Variants in DHX37 observed in about 807,000 individuals in gnomAD.
DHX37 encodes the protein DEAH-box helicase 37.
In DHX37, 52 loss-of-function variants were observed where a neutral mutation model predicts 134.3. The ratio of observed to expected loss-of-function variants is 0.39; its 90% confidence interval spans 0.31 to 0.49. DHX37 has a LOEUF of 0.49. Ranked by LOEUF, DHX37 falls within the 20% of genes least tolerant of loss-of-function variation. The pLI is 0.93. For synonymous variants in DHX37, 634 were observed against 670.7 expected (o/e 0.95, Z 0.85); for missense variants, 1,344 against 1,580.8 (o/e 0.85, Z 2.54).
At chr12:124,961,175 C>T (rs999195739) in intron 15 of DHX37, among the ~76,000 whole-genome samples, 13 of 78,514 alleles carry the variant, frequency 1.7e-4, no homozygotes, top group African/African-American at 4.9e-4. Context: ...CATACACGCG[C>T]GCATGCGCGC....
intron 9 of DHX37, 37 bp from the exon 10 acceptor site, chr12:124,968,685 G>A (rs770109673): frequency 5.3e-5 from 86 of 1,612,870 alleles, no homozygotes; most frequent in Non-Finnish European, 7.0e-5. Context: ...GAGTGGGGGG[G>A]ACACGAGCTT....
Position 124,947,693 on chromosome 12 carries a change from G to C in DHX37, c.*109C>G. On this transcript the variant is annotated 3_prime_UTR_variant, in exon 27 of 27. Transcript: ENST00000308736. The stretch of plus-strand genomic sequence containing the variant: ...GTTCCCAGGGCTTGACCCACTTCCT[G>C]AGAGCAGGCCACGAAGCCCATGCCA... 7.2e-7 allele frequency: 1 copy of C among 1,383,618 alleles called. No homozygotes were observed. The allele number at this position is 1,383,618 out of a possible 1,614,324, so 85.7% of individuals were successfully genotyped here.
Position 124,972,715 on chromosome 12 carries a change from G to A in DHX37, c.981-116C>T, listed in dbSNP as rs1204762862. On this transcript the variant is annotated intron_variant, in intron 6 of 26. Transcript: ENST00000308736. Reference sequence around the variant, plus strand: ...GGCGGCTTGAGGGCAGGGCCCGCTGGCAACCTGAAACAAGTCCCAGACATC... The same window carrying A: ...GGCGGCTTGAGGGCAGGGCCCGCTGACAACCTGAAACAAGTCCCAGACATC... 4 of 920,660 alleles carry A rather than the reference G, an allele frequency of 4.3e-6. No individual in the cohort carries two copies. The Admixed American group carries it at 5.6e-5, about 13-fold the overall frequency. The allele number at this position is 920,660 out of a possible 1,614,324, so 57.0% of individuals were successfully genotyped here.
At position 124,950,703 on chromosome 12, in the gene DHX37, C is replaced by G; in HGVS notation, c.2970G>C (p.Lys990Asn). ...AGGCCTCGGCACCTTTCATGTACAT[C>G]TTAGTGGTCTCCACGATTTCCTGGT... is the stretch of plus-strand genomic sequence containing the variant. ...VVYQEIVETT[K>N]MYMKGVSSVE... The change falls in exon 22 of 27, where the codon AAG (lysine) becomes AAC (asparagine). Residue 990 changes from lysine to asparagine, a missense_variant. Physicochemically the swap from Lys to Asn is moderately conservative, Grantham distance 94 (BLOSUM62 0). Coordinates refer to ENST00000308736, the MANE Select transcript of DHX37 (RefSeq NM_032656.4). 1 of 1,612,480 alleles carries G rather than the reference C, an allele frequency of 6.2e-7. No homozygotes were observed. Among genetic ancestry groups the G allele is most frequent in the Non-Finnish European group, 8.5e-7 (1 of 1,179,488 alleles).
In DHX37 at chr12:124,950,258, C is replaced by T; in HGVS notation, c.3122-15G>A. 6.2e-7 allele frequency: 1 copy of T among 1,613,284 alleles called. No individual in the cohort carries two copies. ...GCCCACGCGATCTAGAAGGTGGGAG[C>T]CAGTGAGACAGGGACCCTCCTGCAG... is the stretch of plus-strand genomic sequence containing the variant. On this transcript the variant is annotated splice_polypyrimidine_tract_variant and intron_variant, in intron 23 of 26. Transcript: ENST00000308736.
chr12:124,954,270 C>CG lies in DHX37; in HGVS notation c.2454-60dup, dbSNP rs942596185. 4.6e-6 allele frequency: 7 copies of CG among 1,513,206 alleles called. No individual in the cohort carries two copies. The East Asian group carries it at 6.8e-5, about 15-fold the overall frequency. 93.7% of individuals were successfully genotyped at this position (1,513,206 alleles called of 1,614,324 possible). On this transcript the variant is annotated intron_variant, in intron 18 of 26. Coordinates refer to ENST00000308736, the MANE Select transcript of DHX37 (RefSeq NM_032656.4). Reference sequence around the variant, plus strand: ...GCCTCGGCTGCGCTCAGGGCCTCAGCGGGGGGAACTCCTTTATTCATCGGG... The same window carrying CG: ...GCCTCGGCTGCGCTCAGGGCCTCAGCGGGGGGGAACTCCTTTATTCATCGGG...
Position 124,980,369 on chromosome 12 carries a change from T to A in DHX37, c.738+121A>T. 1.7e-6 allele frequency: 2 copies of A among 1,149,898 alleles called. No individual in the cohort carries two copies. The highest frequency in any genetic ancestry group is 5.8e-4 in the Middle Eastern group (2 of 3,460). 71.2% of individuals were successfully genotyped at this position (1,149,898 alleles called of 1,614,324 possible). On this transcript the variant is annotated intron_variant, in intron 4 of 26. Coordinates refer to ENST00000308736, the MANE Select transcript of DHX37 (RefSeq NM_032656.4). The surrounding 1 kb of genome is among the most constrained non-coding windows in gnomAD (Gnocchi z 5.3). ...AGGGAGGCGCAGTCACTCTCCCCTT[T>A]CCCAGATGGGGACATGGAGGCACAG...
intron 26 of DHX37, 23 bp downstream of exon 26, chr12:124,948,061 C>T (rs532615913): frequency 2.5e-6 from 4 of 1,614,134 alleles, no homozygotes; most frequent in South Asian, 1.1e-5. Context: ...CTACTCCCAC[C>T]CCCTGGCCCT....
At chr12:124,948,396 A>C in intron 25 of DHX37, 1 of 790,314 alleles carries the variant, frequency 1.3e-6, no homozygotes, top group Non-Finnish European at 2.0e-6. Flanking sequence ...GCTGCAGTGA[A>C]CCATGACTGC....
chr12:124,980,509 T>C lies in DHX37; in HGVS notation c.719A>G (p.Asn240Ser). ...GCGAACCTGCATTTCCGGGGAGCGG[T>C]TCACGGGGATGAAGACGGCGGGCTT... is the stretch of plus-strand genomic sequence containing the variant. Reference protein sequence around the residue: ...LAKPAVFIPVNRSPEMQEERL... With the variant: ...LAKPAVFIPVSRSPEMQEERL... The change falls in exon 4 of 27, where the codon AAC (asparagine) becomes AGC (serine). Residue 240 changes from asparagine to serine, a missense_variant. By Grantham distance (46) the Asn-to-Ser change is conservative. Transcript: ENST00000308736. The surrounding 1 kb of genome is among the most constrained non-coding windows in gnomAD (Gnocchi z 5.3). The C allele has an allele frequency of 4.3e-6, 7 of 1,610,482 alleles. No individual in the cohort carries two copies. The highest frequency in any genetic ancestry group is 5.9e-6 in the Non-Finnish European group (7 of 1,179,170).
chr12:124,965,936 G>A lies in DHX37; in HGVS notation c.1591-124C>T, dbSNP rs1954378251. On this transcript the variant is annotated intron_variant, in intron 12 of 26. Coordinates refer to ENST00000308736, the MANE Select transcript of DHX37 (RefSeq NM_032656.4). The stretch of plus-strand genomic sequence containing the variant: ...TCCACACCCATGGGCCATGCAACCC[G>A]GGGCAGGCCACATAATTCTCTCTTC... 5.7e-6 allele frequency: 7 copies of A among 1,235,866 alleles called. 1 individual carries two copies. Among genetic ancestry groups the A allele is most frequent in the South Asian group, 3.3e-5 (2 of 60,370 alleles). The allele number at this position is 1,235,866 out of a possible 1,614,324, so 76.6% of individuals were successfully genotyped here.
chr12:124,955,569 C>G (rs532213061), intron 18 of DHX37, among the ~76,000 whole-genome samples: 3 of 152,336 alleles, frequency 2.0e-5, no homozygotes, highest in Admixed American at 1.3e-4. Flanking sequence ...GCCTCGGCCT[C>G]CCAAGTGCTG....
chr12:124,951,725 G>A (rs1455461555), intron 21 of DHX37, among the ~76,000 whole-genome samples: 3 of 151,988 alleles, frequency 2.0e-5, no homozygotes, highest in African/African-American at 7.3e-5. Context: ...TAAGCCCAGC[G>A]TTTTGGGAGG....
intron 6 of DHX37, among the ~76,000 whole-genome samples, chr12:124,973,948 ATTT>A (rs71092253): frequency 7.4e-6 from 1 of 134,402 alleles, no homozygotes; most frequent in Non-Finnish European, 1.6e-5. Flanking sequence ...CAGTCCCCAA[ATTT>A]TTTTTTTTTT....
In DHX37 at chr12:124,952,632, C is replaced by T. The variant is rs1953998413; in HGVS notation, c.2696-62G>A. The stretch of plus-strand genomic sequence containing the variant: ...AGGCCCGGAGCCAGCTCTGCCCTGA[C>T]CTCCTAGAAAGTCCCAACCATGCTC... On this transcript the variant is annotated intron_variant, in intron 20 of 26. Coordinates refer to ENST00000308736, the MANE Select transcript of DHX37 (RefSeq NM_032656.4). 5.4e-6 allele frequency: 8 copies of T among 1,485,208 alleles called. No homozygotes were observed. The Admixed American group carries it at 1.7e-4, about 32-fold the overall frequency. 92.0% of individuals were successfully genotyped at this position (1,485,208 alleles called of 1,614,324 possible). A position where few individuals can be genotyped will look rare whatever the true frequency, so the allele number is the denominator to read the frequency against.
At chr12:124,973,345 A>G (rs1259809710) in intron 6 of DHX37, among the ~76,000 whole-genome samples, 1 of 152,112 alleles carries the variant, frequency 6.6e-6, no homozygotes, top group Non-Finnish European at 1.5e-5. Flanking sequence ...CAAAGGTTGC[A>G]GTGAGCCAAG....
chr12:124,968,681 G>T (rs561344330), intron 9 of DHX37, 33 bp from the exon 10 acceptor site: 14 of 1,613,586 alleles, frequency 8.7e-6, no homozygotes, highest in Admixed American at 3.3e-5. Context: ...TGGGGAGTGG[G>T]GGGGACACGA....
chr12:124,982,469 C>G (rs748058578), intron 3 of DHX37, 42 bp downstream of exon 3: 1 of 1,608,560 alleles, frequency 6.2e-7, no homozygotes, highest in East Asian at 2.2e-5. Flanking sequence ...CCTAGGGGGC[C>G]CTGGAGGGAG....
chr12:124,954,084 A>C lies in DHX37; in HGVS notation c.2578+3T>G, dbSNP rs1320605036. 6.2e-7 allele frequency: 1 copy of C among 1,607,506 alleles called. No homozygotes were observed. The highest frequency in any genetic ancestry group is 1.7e-5 in the Admixed American group (1 of 59,566). On this transcript the variant is annotated splice_donor_region_variant and intron_variant, in intron 19 of 26. Transcript: ENST00000308736. The stretch of plus-strand genomic sequence containing the variant: ...GCCACCCTCCAACGGGCAGGGCACA[A>C]ACCCAGCAGCACCATGAGGTCGCCG...
Sources: gnomAD v4.1 joint callset for allele counts (sites outside exome capture counted in the v4.1 genomes callset) on GRCh38, gnomAD v4.1.1 for gene constraint, Gnocchi (gnomAD v3.1) non-coding constraint, MANE v1.5 for transcripts, NCBI Gene and HGNC (gene_info 2026-07-23, HGNC 2026-07-21) for gene names.